The following CUX1 variants were observed in gnomAD, a reference collection of about 807,000 sequenced individuals.
CUX1 encodes cut like homeobox 1.
In CUX1, 31 loss-of-function variants were observed where a neutral mutation model predicts 158.8. The observed-to-expected ratio is 0.20, with a 90% CI of 0.15 to 0.26. The LOEUF (loss-of-function observed/expected upper bound fraction) is 0.26, where lower values mean the gene tolerates loss of function less well. CUX1 is among the 10% of genes least tolerant of loss of function. The pLI is 1.00. For synonymous variants in CUX1, 879 were observed against 862.1 expected (o/e 1.02, Z -0.34); for missense variants, 1,589 against 2,014.6 (o/e 0.79, Z 4.04).
intron 1 of CUX1, among the ~76,000 whole-genome samples, chr7:101,821,560 G>C (rs554547082): frequency 2.1e-4 from 31 of 150,616 alleles, no homozygotes; most frequent in East Asian, 7.8e-4. Flanking sequence ...GGATGGTCTC[G>C]ATCTCCTCAC....
chr7:102,155,961 A>G (rs1789700476), intron 8 of CUX1, among the ~76,000 whole-genome samples: 1 of 152,204 alleles, frequency 6.6e-6, no homozygotes, highest in Non-Finnish European at 1.5e-5. Context: ...GCTTCATTTA[A>G]CTAGGCCATT....
chr7:102,087,810 A>ATATTT (rs1248484367), intron 4 of CUX1, among the ~76,000 whole-genome samples: 288 of 152,284 alleles, frequency 1.9e-3, no homozygotes, highest in African/African-American at 6.5e-3. Flanking sequence ...TGAAATTATA[A>ATATTT]TATTTTATTT....
intron 5 of CUX1, among the ~76,000 whole-genome samples, chr7:102,103,881 C>T (rs571782457): frequency 6.6e-6 from 1 of 152,140 alleles, no homozygotes; most frequent in Non-Finnish European, 1.5e-5. Context: ...GTACCGTAGA[C>T]TTTCTTGACT....
Position 102,250,996 on chromosome 7 carries a change from G to T in CUX1, c.*1954G>T, listed in dbSNP as rs1162017299. ...TATATTTTTTTTTGCTTATTTATAG[G>T]TGCTGTATTTTATTATCTGATTGTT... On this transcript the variant is annotated 3_prime_UTR_variant, in exon 24 of 24. Transcript: ENST00000292535. 4 of 962,018 alleles carry T rather than the reference G, an allele frequency of 4.2e-6. No individual in the cohort carries two copies. Among genetic ancestry groups the T allele is most frequent in the South Asian group, 4.8e-5 (1 of 20,832 alleles). 59.6% of individuals were successfully genotyped at this position (962,018 alleles called of 1,614,324 possible).
Position 102,255,448 on chromosome 7 carries a change from G to A in CUX1, c.*6406G>A. On this transcript the variant is annotated 3_prime_UTR_variant, in exon 24 of 24. Transcript: ENST00000292535. ...GAAAGACATTTGGCTATGCATAAAT[G>A]TGCACTTCCCCCATGCCCCCGTTCT... The A allele has an allele frequency of 3.0e-6, 3 of 983,616 alleles. No individual in the cohort carries two copies. Among genetic ancestry groups the A allele is most frequent in the African/African-American group, 1.8e-5 (1 of 56,844 alleles). The allele number at this position is 983,616 out of a possible 1,614,324, so 60.9% of individuals were successfully genotyped here. A position where few individuals can be genotyped will look rare whatever the true frequency, so the allele number is the denominator to read the frequency against.
intron 2 of CUX1, among the ~76,000 whole-genome samples, chr7:101,980,610 TCTCA>T (rs1319655287): frequency 1.3e-5 from 2 of 152,174 alleles, no homozygotes; most frequent in Non-Finnish European, 2.9e-5. Context: ...GCAGATTGGT[TCTCA>T]CTCAGGCAGA....
At chr7:101,837,444 T>C (rs1177175355) in intron 1 of CUX1, among the ~76,000 whole-genome samples, 2 of 152,188 alleles carry the variant, frequency 1.3e-5, no homozygotes, top group Non-Finnish European at 2.9e-5. Flanking sequence ...TCTTACCTCC[T>C]CTGTGGATAG....
At chr7:102,236,943 C>T (rs1331721303) in intron 22 of CUX1, among the ~76,000 whole-genome samples, 2 of 152,208 alleles carry the variant, frequency 1.3e-5, no homozygotes, top group Non-Finnish European at 2.9e-5. Context: ...GTATCCAAAG[C>T]CGCTGTGGTC....
intron 5 of CUX1, 93 bp from the exon 6 acceptor site, chr7:102,104,243 A>T (rs1830096862): frequency 3.1e-6 from 4 of 1,281,280 alleles, no homozygotes; most frequent in Non-Finnish European, 4.3e-6. Context: ...TTTAAAACAC[A>T]CCGATCCTAC....
At chr7:101,995,601 A>G (rs1432004172) in intron 2 of CUX1, among the ~76,000 whole-genome samples, 2 of 152,256 alleles carry the variant, frequency 1.3e-5, no homozygotes, top group African/African-American at 4.8e-5. Flanking sequence ...ATAATCCCAC[A>G]GACCATTATA....
chr7:101,994,714 C>T (rs1487647660), intron 2 of CUX1, among the ~76,000 whole-genome samples: 2 of 152,096 alleles, frequency 1.3e-5, no homozygotes, highest in Non-Finnish European at 2.9e-5. Context: ...TGCTTGTTAC[C>T]TTCCTCCCAA....
chr7:101,975,723 T>C (rs1397789754), intron 2 of CUX1, among the ~76,000 whole-genome samples: 3 of 152,188 alleles, frequency 2.0e-5, no homozygotes, highest in Non-Finnish European at 4.4e-5. Flanking sequence ...CCATCAACAG[T>C]GAGGTTGGCT....
intron 15 of CUX1, among the ~76,000 whole-genome samples, chr7:102,198,070 A>G (rs972903810): frequency 5.3e-5 from 8 of 152,160 alleles, no homozygotes; most frequent in African/African-American, 1.4e-4. Flanking sequence ...CCTGGGCAAC[A>G]TATATTTTGT....
At chr7:102,227,951 CTT>C (rs781968632) in intron 21 of CUX1, among the ~76,000 whole-genome samples, 1 of 117,300 alleles carries the variant, frequency 8.5e-6, no homozygotes. Context: ...TCTTTTTTTT[CTT>C]TTTTTTTTTT....
chr7:101,944,226 G>A (rs2129143716), intron 2 of CUX1, among the ~76,000 whole-genome samples: 1 of 152,264 alleles, frequency 6.6e-6, no homozygotes, highest in South Asian at 2.1e-4. Context: ...GGGGGTAGTT[G>A]TGTCCAAGAG....
chr7:101,829,976 G>T (rs539493048), intron 1 of CUX1, among the ~76,000 whole-genome samples: 4 of 152,336 alleles, frequency 2.6e-5, no homozygotes, highest in South Asian at 4.1e-4. Context: ...CTGGTCATGG[G>T]GCCGGAGGGG....
At chr7:102,266,149 A>G (rs1790794236) in intron 14 of CUX1, among the ~76,000 whole-genome samples, 1 of 148,396 alleles carries the variant, frequency 6.7e-6, no homozygotes. Context: ...GGTTGCAGTG[A>G]GTTGAGATCA....
At chr7:101,980,241 C>A (rs1489691178) in intron 2 of CUX1, among the ~76,000 whole-genome samples, 1 of 152,114 alleles carries the variant, frequency 6.6e-6, no homozygotes, top group African/African-American at 2.4e-5. Flanking sequence ...TGTGGGGGCT[C>A]ACACCTGGAA....
At chr7:102,202,361 T>C (rs1554520077) in intron 18 of CUX1, among the ~76,000 whole-genome samples, 157 bp downstream of exon 18, 1 of 152,206 alleles carries the variant, frequency 6.6e-6, no homozygotes, top group Admixed American at 6.5e-5. Flanking sequence ...GTGCGGCTGG[T>C]GAACATTGCA....
Sources: gnomAD v4.1 joint callset for allele counts (sites outside exome capture counted in the v4.1 genomes callset) on GRCh38, gnomAD v4.1.1 for gene constraint, MANE v1.5 for transcripts, NCBI Gene and HGNC (gene_info 2026-07-23, HGNC 2026-07-21) for gene names.